Variants in PXDN observed in about 807,000 individuals in gnomAD.
PXDN encodes the protein peroxidasin homolog.
In PXDN, 77 loss-of-function variants were observed where a neutral mutation model predicts 140.3. That is an observed-to-expected ratio of 0.55 (90% CI 0.46 to 0.66). PXDN has a LOEUF of 0.66. Among genes scored for constraint, PXDN ranks in the 30% least tolerant of loss-of-function variants. The pLI, the probability that PXDN is intolerant of heterozygous loss-of-function variation, is 0.00. For synonymous variants in PXDN, 911 were observed against 857.4 expected (o/e 1.06, Z -1.09); for missense variants, 1,838 against 2,039.5 (o/e 0.90, Z 1.90).
chr2:1,663,887 G>A (rs1038416005), intron 11 of PXDN, 124 bp from the exon 12 acceptor site: 10 of 1,238,068 alleles, frequency 8.1e-6, no homozygotes, highest in African/African-American at 1.5e-5. Flanking sequence ...AATTTGGCCT[G>A]GCCCTGCATA....
chr2:1,712,686 G>T (rs370916981), intron 1 of PXDN, among the ~76,000 whole-genome samples: 1 of 152,182 alleles, frequency 6.6e-6, no homozygotes, highest in South Asian at 2.1e-4. Context: ...GAAAACGGTC[G>T]GATGAGACTT....
intron 1 of PXDN, among the ~76,000 whole-genome samples, chr2:1,731,179 C>CACACACA (rs60396503): frequency 1.3e-5 from 2 of 148,996 alleles, no homozygotes; most frequent in African/African-American, 4.9e-5. Flanking sequence ...CACACACACA[C>CACACACA]ATGAACTAGT....
intron 9 of PXDN, among the ~76,000 whole-genome samples, chr2:1,671,681 G>A (rs1484354898): frequency 4.8e-5 from 7 of 146,756 alleles, no homozygotes; most frequent in African/African-American, 1.0e-4. Context: ...TACTGGGTGC[G>A]ATATGCCCCT....
At chr2:1,722,118 G>C (rs1037930800) in intron 1 of PXDN, among the ~76,000 whole-genome samples, 1 of 152,236 alleles carries the variant, frequency 6.6e-6, no homozygotes, top group African/African-American at 2.4e-5. Flanking sequence ...GAGAGGTGTT[G>C]ACAATGGATG....
In PXDN at chr2:1,639,063, CCGCCCCTGATGCTCTGAGCT is replaced by C. The variant is rs1682648853; in HGVS notation, c.4074-105_4074-86del. On this transcript the variant is annotated intron_variant, in intron 20 of 22. Coordinates refer to ENST00000252804, the MANE Select transcript of PXDN (RefSeq NM_012293.3). This position sits in a 1 kb window ranked among gnomAD's most constrained non-coding sequence, Gnocchi z 5.0. ...CATTTCAAGGTTTCCTGGGTGTGCA[CCGCCCCTGATGCTCTGAGCT>C]GGGTCTCATTTCAAGGTTTCCTGGG... The C allele has an allele frequency of 1.0e-5, 3 of 293,828 alleles. No homozygotes were observed. The highest frequency in any genetic ancestry group is 1.2e-5 in the Non-Finnish European group (3 of 244,234). The allele number at this position is 293,828 out of a possible 1,614,324, so 18.2% of individuals were successfully genotyped here.
chr2:1,682,678 G>A (rs534642552), intron 6 of PXDN, among the ~76,000 whole-genome samples: 5 of 152,234 alleles, frequency 3.3e-5, no homozygotes, highest in African/African-American at 7.2e-5. Context: ...GGTGGCTCAC[G>A]CCTGTAATCC....
At chr2:1,700,070 A>T (rs889947222) in intron 1 of PXDN, among the ~76,000 whole-genome samples, 1 of 150,964 alleles carries the variant, frequency 6.6e-6, no homozygotes, top group Non-Finnish European at 1.5e-5. Flanking sequence ...ATTTTTATTT[A>T]TTTTTTTTTG....
At chr2:1,663,516 G>C in intron 12 of PXDN, 89 bp downstream of exon 12, 1 of 1,523,562 alleles carries the variant, frequency 6.6e-7, no homozygotes, top group Non-Finnish European at 8.9e-7. Context: ...TTATAACGAA[G>C]AGTAACACTA....
chr2:1,733,512 C>A (rs547239623), intron 1 of PXDN, among the ~76,000 whole-genome samples: 1 of 152,088 alleles, frequency 6.6e-6, no homozygotes, highest in Non-Finnish European at 1.5e-5. Context: ...GAGGCCGAGG[C>A]GGGTGAATCA....
At chr2:1,666,047 CA>C (rs1683426517) in intron 10 of PXDN, among the ~76,000 whole-genome samples, 166 bp downstream of exon 10, 1 of 152,212 alleles carries the variant, frequency 6.6e-6, no homozygotes, top group African/African-American at 2.4e-5. Flanking sequence ...CTACAAACTG[CA>C]GTCGTCTGTA....
chr2:1,674,984 G>A (rs75026631), intron 8 of PXDN, among the ~76,000 whole-genome samples: 1,889 of 152,230 alleles, frequency 0.012, 44 homozygotes, highest in African/African-American at 0.044. Flanking sequence ...CTGCCAGCGC[G>A]CAGCCAAACC....
At chr2:1,740,519 C>T (rs1685519132) in intron 1 of PXDN, among the ~76,000 whole-genome samples, 1 of 152,052 alleles carries the variant, frequency 6.6e-6, no homozygotes, top group Non-Finnish European at 1.5e-5. Flanking sequence ...AGGAGACCCA[C>T]AGAGCAGCAA....
chr2:1,740,928 A>G (rs1685529184), intron 1 of PXDN, among the ~76,000 whole-genome samples: 2 of 152,086 alleles, frequency 1.3e-5, no homozygotes, highest in Admixed American at 1.3e-4. Flanking sequence ...CCCTGAGCCC[A>G]CCCCAAGCTC....
intron 1 of PXDN, among the ~76,000 whole-genome samples, chr2:1,731,060 AG>A (rs1437405778): frequency 6.6e-6 from 1 of 152,132 alleles, no homozygotes; most frequent in African/African-American, 2.4e-5. Flanking sequence ...AAGCAAGCAA[AG>A]GGAATATCAA....
intron 14 of PXDN, among the ~76,000 whole-genome samples, chr2:1,657,380 G>T (rs192903061): frequency 1.7e-4 from 26 of 150,450 alleles, no homozygotes; most frequent in African/African-American, 6.4e-4. Context: ...GCCAACTCCT[G>T]ACTGAGACCT....
intron 1 of PXDN, among the ~76,000 whole-genome samples, chr2:1,725,165 C>T (rs979334463): frequency 2.0e-4 from 30 of 152,024 alleles, no homozygotes; most frequent in African/African-American, 7.2e-4. Context: ...GGATAATTTG[C>T]TGTTGGTTTA....
rs1265550283 is a variant in PXDN, at chr2:1,633,297, G to A, written c.*907C>T. 1 of 151,760 alleles carries A rather than the reference G, an allele frequency of 6.6e-6. No homozygotes were observed. Among genetic ancestry groups the A allele is most frequent in the African/African-American group, 2.4e-5 (1 of 41,330 alleles). 9.4% of individuals were successfully genotyped at this position (151,760 alleles called of 1,614,324 possible). On this transcript the variant is annotated 3_prime_UTR_variant, in exon 23 of 23. Coordinates refer to ENST00000252804, the MANE Select transcript of PXDN (RefSeq NM_012293.3). ...TCAGGACGTGGACGCAACCAGGGCCGGCTGGGAGCGGCGTTGTCAACACAC... is the reference window on the plus strand; with the variant it reads ...TCAGGACGTGGACGCAACCAGGGCCAGCTGGGAGCGGCGTTGTCAACACAC...
intron 7 of PXDN, among the ~76,000 whole-genome samples, chr2:1,678,041 C>T (rs73180773): frequency 0.048 from 7,259 of 152,266 alleles, 555 homozygotes; most frequent in African/African-American, 0.16. Flanking sequence ...CCAGGATTGC[C>T]TCCTTCCGTC....
chr2:1,648,964 C>A lies in PXDN; in HGVS notation c.2816G>T (p.Gly939Val), dbSNP rs933145104. Residue 939 changes from glycine to valine, a missense_variant, in exon 17 of 23, where the codon GGC becomes GTC. By Grantham distance (109) the Gly-to-Val change is moderately radical. Around this residue, in one of 5 missense-constraint regions of PXDN, gnomAD observed 850 missense variants for 894.1 expected, o/e 0.95. Coordinates refer to ENST00000252804, the MANE Select transcript of PXDN (RefSeq NM_012293.3). The surrounding 1 kb of genome is among the most constrained non-coding windows in gnomAD (Gnocchi z 8.9). Reference protein sequence around the residue: ...LASHRGLLRQGIVQRSGKPLL... With the variant: ...LASHRGLLRQVIVQRSGKPLL... ...CGGCTTCCCGGACCGCTGCACGATG[C>A]CCTGCCGCAGCAGGCCGCGGTGGCT... 3 of 1,605,762 alleles carry A rather than the reference C, an allele frequency of 1.9e-6. No individual in the cohort carries two copies. Among genetic ancestry groups the A allele is most frequent in the Admixed American group, 3.4e-5 (2 of 59,582 alleles).
Sources: gnomAD v4.1 joint callset for allele counts (sites outside exome capture counted in the v4.1 genomes callset) on GRCh38, gnomAD v4.1.1 for gene constraint, gnomAD v4.1.1 regional missense constraint, Gnocchi (gnomAD v3.1) non-coding constraint, MANE v1.5 for transcripts, NCBI Gene and HGNC (gene_info 2026-07-23, HGNC 2026-07-21) for gene names.